ITGA9: variants seen among roughly 807,000 people sequenced by gnomAD.
ITGA9 encodes the protein integrin subunit alpha 9, also known as integrin alpha-9.
In ITGA9, 56 loss-of-function variants were observed where a neutral mutation model predicts 127.8. The observed-to-expected ratio is 0.44, with a 90% CI of 0.35 to 0.55. The LOEUF (loss-of-function observed/expected upper bound fraction) is 0.55, where lower values mean the gene tolerates loss of function less well. Among genes scored for constraint, ITGA9 ranks in the 20% least tolerant of loss-of-function variants. ITGA9 has a pLI of 0.00. For missense variants in ITGA9, 1,196 were observed against 1,347.1 expected (o/e 0.89, Z 1.76); for synonymous variants, 508 against 514.5 (o/e 0.99, Z 0.17).
chr3:37,472,968 A>C (rs183197), intron 2 of ITGA9, among the ~76,000 whole-genome samples: 1 of 150,412 alleles, frequency 6.6e-6, no homozygotes. Flanking sequence ...GTGAAAACCC[A>C]TCTCTGCTAA....
At chr3:37,740,930 C>T (rs1469384752) in intron 20 of ITGA9, among the ~76,000 whole-genome samples, 1 of 152,158 alleles carries the variant, frequency 6.6e-6, no homozygotes, top group Non-Finnish European at 1.5e-5. Flanking sequence ...ATAGCGAGAG[C>T]TTCCATGATG....
chr3:37,717,805 T>G (rs898101770), intron 18 of ITGA9, among the ~76,000 whole-genome samples: 1 of 152,242 alleles, frequency 6.6e-6, no homozygotes, highest in Non-Finnish European at 1.5e-5. Flanking sequence ...AGCACTGGTA[T>G]GGTACATAGT....
chr3:37,468,629 G>C (rs1698396933), intron 1 of ITGA9, among the ~76,000 whole-genome samples: 1 of 152,196 alleles, frequency 6.6e-6, no homozygotes. Flanking sequence ...GAATGACTGA[G>C]ATCCCAAGAT....
At chr3:37,748,284 T>C (rs1380891092) in intron 22 of ITGA9, 2 of 518,384 alleles carry the variant, frequency 3.9e-6, no homozygotes, top group East Asian at 9.3e-5. Context: ...AGTATTACCA[T>C]GGCTAAACTG....
chr3:37,533,351 C>T lies in ITGA9; in HGVS notation c.1411C>T (p.Leu471Phe). ...PVITVDVSIF[L>F]PGSINITAPQ... ...CATTACGGTGGATGTCTCCATCTTC[C>T]TCCCGGGCTCCATCAACATCACAGC... The change falls in exon 14 of 28, where the codon CTC becomes TTC. Residue 471 changes from leucine to phenylalanine, a missense_variant. Transcript: ENST00000264741. 6.2e-7 allele frequency: 1 copy of T among 1,614,200 alleles called. No individual in the cohort carries two copies. Among genetic ancestry groups the T allele is most frequent in the Non-Finnish European group, 8.5e-7 (1 of 1,180,030 alleles).
intron 8 of ITGA9, 42 bp from the exon 9 acceptor site, chr3:37,513,721 A>G: frequency 6.2e-7 from 1 of 1,613,472 alleles, no homozygotes; most frequent in Non-Finnish European, 8.5e-7. Flanking sequence ...CTTGTGTGAG[A>G]GCAGACACTG....
intron 18 of ITGA9, among the ~76,000 whole-genome samples, chr3:37,717,320 T>G (rs1701145485): frequency 6.6e-6 from 1 of 152,236 alleles, no homozygotes; most frequent in South Asian, 2.1e-4. Context: ...AAGTAAACCC[T>G]TAGCTACATC....
chr3:37,681,535 G>A (rs926567046), intron 17 of ITGA9, among the ~76,000 whole-genome samples: 2 of 152,120 alleles, frequency 1.3e-5, no homozygotes, highest in Non-Finnish European at 2.9e-5. Context: ...CTGATGTGCC[G>A]CCCCACCTAT....
At chr3:37,773,329 C>T (rs1559594281) in intron 23 of ITGA9, among the ~76,000 whole-genome samples, 1 of 152,236 alleles carries the variant, frequency 6.6e-6, no homozygotes, top group Non-Finnish European at 1.5e-5. Flanking sequence ...GAGGAATGTG[C>T]ATGCCACAGG....
rs185553001 is a variant in ITGA9 at position 37,506,014 on chromosome 3, G to A, written c.757G>A (p.Ala253Thr). The A allele has an allele frequency of 1.3e-5, 21 of 1,606,790 alleles. No individual in the cohort carries two copies. Among genetic ancestry groups the A allele is most frequent in the Admixed American group, 5.1e-5 (3 of 59,136 alleles). Reference protein sequence around the residue: ...RYTYLGYAVTAGHFSHPSTID... With the variant: ...RYTYLGYAVTTGHFSHPSTID... Reference sequence around the variant, plus strand: ...ATCCTGTTCAGGCTACGCAGTGACCGCTGGCCACTTCTCTCACCCGTCCAC... The same window carrying A: ...ATCCTGTTCAGGCTACGCAGTGACCACTGGCCACTTCTCTCACCCGTCCAC... The change falls in exon 7 of 28, where the codon GCT (alanine) becomes ACT (threonine). Residue 253 changes from alanine (A) to threonine (T), a missense_variant. Ala to Thr is a moderately conservative substitution (Grantham distance 58, BLOSUM62 0). Transcript: ENST00000264741.
At chr3:37,583,398 C>T (rs1206916872) in intron 15 of ITGA9, among the ~76,000 whole-genome samples, 1 of 137,486 alleles carries the variant, frequency 7.3e-6, no homozygotes, top group Admixed American at 7.6e-5. Flanking sequence ...GCTATTATTG[C>T]TATCATCATC....
At chr3:37,585,537 T>C (rs1165992216) in intron 15 of ITGA9, 1 of 491,426 alleles carries the variant, frequency 2.0e-6, no homozygotes, top group Non-Finnish European at 4.1e-6. Flanking sequence ...TTGGGACAAT[T>C]AGGGAGGGAT....
chr3:37,480,059 C>T (rs1250514246), intron 3 of ITGA9, among the ~76,000 whole-genome samples: 1 of 152,118 alleles, frequency 6.6e-6, no homozygotes, highest in African/African-American at 2.4e-5. Flanking sequence ...GAACTGATAT[C>T]AGAAGTGAGT....
chr3:37,522,348 G>T (rs75046604), intron 11 of ITGA9, among the ~76,000 whole-genome samples: 3 of 152,054 alleles, frequency 2.0e-5, no homozygotes, highest in Non-Finnish European at 2.9e-5. Context: ...ATGTTGATGC[G>T]CAGCTTCAGT....
At chr3:37,453,123 C>T (rs924313696) in intron 1 of ITGA9, among the ~76,000 whole-genome samples, 2 of 151,010 alleles carry the variant, frequency 1.3e-5, no homozygotes, top group African/African-American at 4.9e-5. Context: ...GCGCCCCCCC[C>T]CCCCCCCAGC....
chr3:37,600,207 A>G (rs1699904313), intron 15 of ITGA9, among the ~76,000 whole-genome samples: 2 of 152,240 alleles, frequency 1.3e-5, no homozygotes, highest in Non-Finnish European at 2.9e-5. Flanking sequence ...CACTTATTGT[A>G]TACGAGACTC....
chr3:37,452,487 T>G lies in ITGA9; in HGVS notation c.113T>G (p.Val38Gly). Residue 38 changes from valine (V) to glycine (G), a missense_variant, in exon 1 of 28, where the codon GTG (valine) becomes GGG (glycine). Coordinates refer to ENST00000264741, the MANE Select transcript of ITGA9 (RefSeq NM_002207.3). This position sits in a 1 kb window ranked among gnomAD's most constrained non-coding sequence, Gnocchi z 7.3. The stretch of plus-strand genomic sequence containing the variant: ...TACAACCTCGACCCGCAGCGCCCCG[T>G]GCACTTCCAGGGCCCCGCTGACTCG... ...GAYNLDPQRP[V>G]HFQGPADSFF... 1 of 1,516,944 alleles carries G rather than the reference T, an allele frequency of 6.6e-7. No individual in the cohort carries two copies. The highest frequency in any genetic ancestry group is 8.8e-7 in the Non-Finnish European group (1 of 1,131,998). 94.0% of individuals were successfully genotyped at this position (1,516,944 alleles called of 1,614,324 possible).
At chr3:37,617,581 C>T (rs1471825519) in intron 15 of ITGA9, among the ~76,000 whole-genome samples, 5 of 152,166 alleles carry the variant, frequency 3.3e-5, no homozygotes, top group African/African-American at 4.8e-5. Flanking sequence ...TCCATTTTCC[C>T]CGTCACTTTC....
Position 37,823,442 on chromosome 3 carries a change from C to G in ITGA9, c.*4453C>G, listed in dbSNP as rs1053061505. 3.9e-5 allele frequency: 6 copies of G among 152,146 alleles called. No homozygotes were observed. Among genetic ancestry groups the G allele is most frequent in the African/African-American group, 1.4e-4 (6 of 41,428 alleles). The allele number at this position is 152,146 out of a possible 1,614,324, so 9.4% of individuals were successfully genotyped here. ...TAAGCAGTCACTTCTGATTCACTTG[C>G]ACTGTTTGGGAAATGTCAGGTTTAC... On this transcript the variant is annotated 3_prime_UTR_variant, in exon 28 of 28. Transcript: ENST00000264741.
Sources: gnomAD v4.1 joint callset for allele counts (sites outside exome capture counted in the v4.1 genomes callset) on GRCh38, gnomAD v4.1.1 for gene constraint, Gnocchi (gnomAD v3.1) non-coding constraint, MANE v1.5 for transcripts, NCBI Gene and HGNC (gene_info 2026-07-23, HGNC 2026-07-21) for gene names.